Variants in IFT172 observed in about 807,000 individuals in gnomAD.
IFT172 encodes the protein intraflagellar transport protein 172 homolog.
A neutral mutation model predicts 248.9 loss-of-function variants in IFT172; 164 were observed. That is an observed-to-expected ratio of 0.66 (90% CI 0.58 to 0.75). IFT172 has a LOEUF of 0.75. Ranked by LOEUF, IFT172 falls within the 30% of genes least tolerant of loss-of-function variation. The probability of loss-of-function intolerance (pLI) is 0.00; values close to 1 mark genes in which losing one functional copy is unlikely to be tolerated. For missense variants in IFT172, 1,950 were observed against 2,192.4 expected (o/e 0.89, Z 2.21); for synonymous variants, 729 against 791.6 (o/e 0.92, Z 1.33).
intron 16 of IFT172, among the ~76,000 whole-genome samples, chr2:27,470,174 G>A (rs1304899307): frequency 6.6e-6 from 1 of 151,520 alleles, no homozygotes; most frequent in Non-Finnish European, 1.5e-5. Flanking sequence ...GAGCCCAGGA[G>A]GCTGAGCTGC....
At position 27,480,127 on chromosome 2, in the gene IFT172, G is replaced by A; in HGVS notation, c.808C>T (p.Pro270Ser). ...YDRLRVFNWI[P>S]RRSIWEEAKP... is the part of the protein sequence containing the mutation. ...GCCTCTTCCCAGATGCTTCTTCGAG[G>A]GATCCAGTTGAACACCCGAAGCCTG... Residue 270 changes from proline to serine, a missense_variant, in exon 9 of 48, where the codon CCT (proline) becomes TCT (serine). By Grantham distance (74) the Pro-to-Ser change is moderately conservative (BLOSUM62 -1). This residue lies in a region of IFT172 where 1,166 missense variants were observed against 1,254.1 expected (regional missense o/e 0.93). Transcript: ENST00000260570. 1 of 1,613,922 alleles carries A rather than the reference G, an allele frequency of 6.2e-7. No homozygotes were observed. Among genetic ancestry groups the A allele is most frequent in the Non-Finnish European group, 8.5e-7 (1 of 1,179,918 alleles).
chr2:27,454,618 C>T lies in IFT172; in HGVS notation c.3414G>A (p.Lys1138=). Residue 1138 remains lysine (K), a synonymous_variant, in exon 31 of 48, where the codon AAG becomes AAA. Transcript: ENST00000260570. The surrounding 1 kb of genome is among the most constrained non-coding windows in gnomAD (Gnocchi z 4.2). ...TGAGATGAACCTCGGGGGTTTTGTG[C>T]TTGAGGGCCAGCCGAGAGAGTTCAA... ...FAFELSRLAL[K]HKTPEVHLKY... The T allele has an allele frequency of 6.2e-7, 1 of 1,614,038 alleles. No individual in the cohort carries two copies. Among genetic ancestry groups the T allele is most frequent in the Non-Finnish European group, 8.5e-7 (1 of 1,180,018 alleles).
intron 18 of IFT172, 109 bp downstream of exon 18, chr2:27,465,302 G>C (rs1282361266): frequency 3.5e-6 from 3 of 849,998 alleles, no homozygotes. Context: ...GCTGGCAGTG[G>C]GAAGGGAGGG....
chr2:27,445,337 G>A lies in IFT172; in HGVS notation c.5027C>T (p.Ala1676Val). 3 of 1,613,406 alleles carry A rather than the reference G, an allele frequency of 1.9e-6. No individual in the cohort carries two copies. Among genetic ancestry groups the A allele is most frequent in the Non-Finnish European group, 2.5e-6 (3 of 1,179,822 alleles). ...ERGAYEASLV[A>V]ASTGVRALPC... ...CAGGGCTCGAACACCAGTGCTCGCT[G>A]CCACTAGGGAGGCCTCGTAGGCGCC... The change falls in exon 46 of 48, where the codon GCA (alanine) becomes GTA (valine). Residue 1676 changes from alanine (A) to valine (V), a missense_variant. Physicochemically the swap from Ala to Val is moderately conservative, Grantham distance 64. Transcript: ENST00000260570. The surrounding 1 kb of genome is among the most constrained non-coding windows in gnomAD (Gnocchi z 4.4).
intron 13 of IFT172, 187 bp from the exon 14 acceptor site, chr2:27,476,913 C>T: frequency 1.7e-6 from 1 of 593,746 alleles, no homozygotes. Context: ...GCTTTGACTT[C>T]CCAGGCTCCG....
chr2:27,470,527 T>C (rs911648041), intron 16 of IFT172, among the ~76,000 whole-genome samples: 3 of 152,118 alleles, frequency 2.0e-5, no homozygotes, highest in South Asian at 2.1e-4. Context: ...CTACTGGGTA[T>C]GTATGATGTT....
chr2:27,478,318 T>C (rs1467617744), intron 10 of IFT172, among the ~76,000 whole-genome samples, 162 bp from the exon 11 acceptor site: 1 of 152,258 alleles, frequency 6.6e-6, no homozygotes, highest in Admixed American at 6.5e-5. Flanking sequence ...TATGTTTATA[T>C]GGGGCTTTAC....
rs1320001121 is a variant in IFT172, at chr2:27,445,400, T to C, written c.4964A>G (p.Asp1655Gly). The change falls in exon 46 of 48, where the codon GAC becomes GGC. Residue 1655 changes from aspartate (D) to glycine (G), a missense_variant. Transcript: ENST00000260570. This position sits in a 1 kb window ranked among gnomAD's most constrained non-coding sequence, Gnocchi z 4.4. ...VRDWVLTVSM[D>G]QRLEQVLPRD... The stretch of plus-strand genomic sequence containing the variant: ...AGGCAGAACCTGCTCCAGCCGCTGG[T>C]CCATGGAGACTGTAAGCACCCAGTC... The C allele has an allele frequency of 1.9e-6, 3 of 1,612,662 alleles. No individual in the cohort carries two copies. The Admixed American group carries it at 5.0e-5, about 27-fold the overall frequency.
At chr2:27,471,122 A>T in intron 15 of IFT172, 27 bp from the exon 16 acceptor site, 2 of 1,603,680 alleles carry the variant, frequency 1.2e-6, no homozygotes, top group Non-Finnish European at 1.7e-6. Flanking sequence ...CAGGTAACAC[A>T]ATTACAAGGG....
In IFT172 at chr2:27,481,342, A is replaced by G. The variant is rs939960617; in HGVS notation, c.571-82T>C. ...CTCACTCTCAACACCTGGTACATTC[A>G]CTCTGACCATCATACCCTGCAGAAA... On this transcript the variant is annotated intron_variant, in intron 7 of 47. Transcript: ENST00000260570. The G allele has an allele frequency of 7.9e-6, 8 of 1,009,540 alleles. No individual in the cohort carries two copies. The African/African-American group carries it at 1.3e-4, about 16-fold the overall frequency. 62.5% of individuals were successfully genotyped at this position (1,009,540 alleles called of 1,614,324 possible). A position where few individuals can be genotyped will look rare whatever the true frequency, so the allele number is the denominator to read the frequency against.
rs774451726 is a variant in IFT172 at position 27,447,860 on chromosome 2, G to A, written c.4491C>T (p.Ala1497=). 3.0e-5 allele frequency: 49 copies of A among 1,613,792 alleles called. No homozygotes were observed. The highest frequency in any genetic ancestry group is 3.3e-5 in the Non-Finnish European group (39 of 1,179,838). Residue 1497 remains alanine, a synonymous_variant, in exon 41 of 48, where the codon GCC becomes GCT. Coordinates refer to ENST00000260570, the MANE Select transcript of IFT172 (RefSeq NM_015662.3). ...DMVSSPGTNC[A]EAYHSWADLR... ...GATCAGCCCAGCTATGATAGGCCTC[G>A]GCACAGTTGGTTCCAGGAGAGCTCA...
At chr2:27,477,750 G>A (rs1668074978) in intron 11 of IFT172, 138 bp from the exon 12 acceptor site, 2 of 787,472 alleles carry the variant, frequency 2.5e-6, no homozygotes, top group African/African-American at 1.7e-5. Context: ...TGCTGTATCA[G>A]AATCTGCTCT....
chr2:27,449,360 T>C lies in IFT172; in HGVS notation c.4245A>G (p.Ile1415Met), dbSNP rs1665446378. Residue 1415 changes from isoleucine to methionine, a missense_variant, in exon 39 of 48, where the codon ATA (isoleucine) becomes ATG (methionine). Ile to Met is a conservative substitution (Grantham distance 10, BLOSUM62 1). Around this residue, in one of 3 missense-constraint regions of IFT172, gnomAD observed 620 missense variants for 699.0 expected, o/e 0.89. Transcript: ENST00000260570. ...GCTCCACATACAGGTCCAAAGCAGC[T>C]ATCACATCCACACCCACCAGCTGGG... ...KVDSLVGVDV[I>M]AALDLYVEQG... is the part of the protein sequence containing the mutation. The C allele has an allele frequency of 6.2e-7, 1 of 1,614,106 alleles. No homozygotes were observed. The highest frequency in any genetic ancestry group is 8.5e-7 in the Non-Finnish European group (1 of 1,180,020).
intron 33 of IFT172, 37 bp downstream of exon 33, chr2:27,453,945 T>TC: frequency 1.9e-6 from 3 of 1,575,760 alleles, no homozygotes; most frequent in Non-Finnish European, 2.6e-6. Flanking sequence ...TTACAAACTC[T>TC]CCCCCTCCCC....
chr2:27,467,418 GAAAAAAAAAAAAAAAA>G lies in IFT172; in HGVS notation c.1693-1552_1693-1537del, dbSNP rs34115935. On this transcript the variant is annotated intron_variant, in intron 16 of 47. Coordinates refer to ENST00000260570, the MANE Select transcript of IFT172 (RefSeq NM_015662.3). The stretch of plus-strand genomic sequence containing the variant: ...TGAGAACTTGTCTTTACAGAAAATT[GAAAAAAAAAAAAAAAA>G]AAAAAAAAAAAAAAAGCAGGGCATG... Among the ~76,000 whole-genome samples, 77 of 16,430 alleles carry G rather than the reference GAAAAAAAAAAAAAAAA, an allele frequency of 4.7e-3. 1 individual carries two copies. Among genetic ancestry groups the G allele is most frequent in the African/African-American group, 0.016 (66 of 4,160 alleles). The allele number at this position is 16,430 out of a possible 152,430, so 10.8% of individuals were successfully genotyped here. A position where few individuals can be genotyped will look rare whatever the true frequency, so the allele number is the denominator to read the frequency against.
intron 35 of IFT172, chr2:27,453,161 G>A: frequency 1.4e-6 from 1 of 692,818 alleles, no homozygotes; most frequent in East Asian, 2.9e-5. Context: ...CCATTTATTG[G>A]TCTAATTCCC....
At chr2:27,486,064 T>C (rs1246062141) in intron 1 of IFT172, 2 of 167,240 alleles carry the variant, frequency 1.2e-5, no homozygotes, top group South Asian at 2.1e-4. Flanking sequence ...TGAATGCAGT[T>C]GAGTAGGAAG....
Position 27,449,016 on chromosome 2 carries a change from G to T in IFT172, c.4327C>A (p.His1443Asn). 1 of 1,596,226 alleles carries T rather than the reference G, an allele frequency of 6.3e-7. No homozygotes were observed. The highest frequency in any genetic ancestry group is 8.6e-7 in the Non-Finnish European group (1 of 1,163,816). The change falls in exon 40 of 48, where the codon CAC becomes AAC. Residue 1443 changes from histidine to asparagine, a missense_variant. Transcript: ENST00000260570. The stretch of plus-strand genomic sequence containing the variant: ...GTTGCATACAAAGCCACATACTTGT[G>T]CAGAATCTTGTAGTTCTGTACAGGG... ...TATKQNYKIL[H>N]KYVALYATHL...
chr2:27,456,860 C>G (rs1223006365), intron 29 of IFT172, among the ~76,000 whole-genome samples: 1 of 152,044 alleles, frequency 6.6e-6, no homozygotes, highest in African/African-American at 2.4e-5. Context: ...GCCTGGCCAA[C>G]ATAGTGAAAC....
Sources: allele counts gnomAD v4.1 joint callset (sites outside exome capture counted in the v4.1 genomes callset), GRCh38; gene constraint gnomAD v4.1.1; regional missense constraint gnomAD v4.1.1; non-coding constraint Gnocchi (gnomAD v3.1); transcripts MANE v1.5; gene names NCBI Gene and HGNC (gene_info 2026-07-23, HGNC 2026-07-21).